Variants in NUBPL observed in about 807,000 individuals in gnomAD.
NUBPL encodes the protein iron-sulfur cluster transfer protein NUBPL.
A neutral mutation model predicts 45.7 loss-of-function variants in NUBPL; 31 were observed. The ratio of observed to expected loss-of-function variants is 0.68; its 90% CI spans 0.51 to 0.92. NUBPL has a LOEUF of 0.92. Ranked by LOEUF, NUBPL falls within the 40% of genes least tolerant of loss-of-function variation. The pLI, the probability that NUBPL is intolerant of heterozygous loss-of-function variation, is 0.00. For synonymous variants in NUBPL, 144 were observed against 140.9 expected (o/e 1.02, Z -0.15); for missense variants, 401 against 398.7 (o/e 1.01, Z -0.05).
intron 10 of NUBPL, among the ~76,000 whole-genome samples, chr14:31,853,473 C>T (rs113200625): frequency 2.8e-4 from 43 of 152,286 alleles, no homozygotes; most frequent in African/African-American, 1.0e-3. Context: ...TCTCCATTTT[C>T]TATCACTCCA....
chr14:31,639,254 A>G (rs1299375405), intron 4 of NUBPL, among the ~76,000 whole-genome samples: 2 of 151,830 alleles, frequency 1.3e-5, no homozygotes, highest in East Asian at 1.9e-4. Context: ...TGATGTACAG[A>G]TGGGTTTTTG....
At chr14:31,628,838 G>T (rs7150851) in intron 4 of NUBPL, among the ~76,000 whole-genome samples, 1 of 152,030 alleles carries the variant, frequency 6.6e-6, no homozygotes, top group African/African-American at 2.4e-5. Flanking sequence ...GTGATAAATT[G>T]AATAATTTTT....
At chr14:31,596,417 A>G (rs1417386349) in intron 3 of NUBPL, among the ~76,000 whole-genome samples, 2 of 152,224 alleles carry the variant, frequency 1.3e-5, no homozygotes, top group Non-Finnish European at 2.9e-5. Flanking sequence ...ATGACTGAAT[A>G]GCTTCATCAT....
chr14:31,631,387 A>G (rs922645160), intron 4 of NUBPL, among the ~76,000 whole-genome samples: 5 of 151,960 alleles, frequency 3.3e-5, no homozygotes, highest in Non-Finnish European at 5.9e-5. Context: ...CATCATCTGT[A>G]TAATCACGTT....
intron 6 of NUBPL, among the ~76,000 whole-genome samples, chr14:31,762,559 G>T (rs1168605635): frequency 6.6e-6 from 1 of 152,144 alleles, no homozygotes; most frequent in Non-Finnish European, 1.5e-5. Context: ...GAATGACTAT[G>T]TTAGATGACA....
intron 4 of NUBPL, among the ~76,000 whole-genome samples, chr14:31,619,765 G>A (rs2035009735): frequency 6.6e-6 from 1 of 152,056 alleles, no homozygotes; most frequent in Non-Finnish European, 1.5e-5. Context: ...ATGTGCCTTA[G>A]GGTTGCTCTT....
At chr14:31,705,563 GAC>G (rs1313286460) in intron 6 of NUBPL, among the ~76,000 whole-genome samples, 1 of 152,110 alleles carries the variant, frequency 6.6e-6, no homozygotes, top group Non-Finnish European at 1.5e-5. Flanking sequence ...CCTTTAGCAA[GAC>G]ACAAAAGTTC....
intron 6 of NUBPL, among the ~76,000 whole-genome samples, chr14:31,752,089 G>C (rs866843154): frequency 5.9e-5 from 9 of 152,198 alleles, no homozygotes; most frequent in African/African-American, 2.2e-4. Flanking sequence ...CCTGTGCTGG[G>C]AGGGGCTGTC....
chr14:31,623,927 G>A (rs1313223751), intron 4 of NUBPL, among the ~76,000 whole-genome samples: 1 of 152,194 alleles, frequency 6.6e-6, no homozygotes. Context: ...TGTTTGAAGA[G>A]TTGAAGTGTG....
At chr14:31,711,584 A>G (rs529313838) in intron 6 of NUBPL, among the ~76,000 whole-genome samples, 1 of 152,202 alleles carries the variant, frequency 6.6e-6, no homozygotes, top group South Asian at 2.1e-4. Context: ...GCAGACTTCA[A>G]GAATGAAGCC....
chr14:31,708,560 C>T lies in NUBPL; in HGVS notation c.513+34986C>T, dbSNP rs542853842. On this transcript the variant is annotated intron_variant, in intron 6 of 10. Transcript: ENST00000281081. ...GTGAAAAGAGAAAGTCTCCCAATTACGACTGAGGAGTTGGGAGAAATACCT... is the reference window on the plus strand; with the variant it reads ...GTGAAAAGAGAAAGTCTCCCAATTATGACTGAGGAGTTGGGAGAAATACCT... 1.5e-3 allele frequency among the ~76,000 whole-genome samples: 228 copies of T among 152,324 alleles called. 1 individual carries two copies. Among genetic ancestry groups the T allele is most frequent in the African/African-American group, 5.0e-3 (206 of 41,584 alleles).
intron 4 of NUBPL, 119 bp downstream of exon 4, chr14:31,599,498 A>C (rs1293694293): frequency 2.9e-6 from 2 of 698,218 alleles, no homozygotes; most frequent in Non-Finnish European, 4.9e-6. Flanking sequence ...GTAAGTCCTC[A>C]CTTAAGTTAG....
At chr14:31,684,765 A>G (rs1423960803) in intron 6 of NUBPL, among the ~76,000 whole-genome samples, 1 of 152,148 alleles carries the variant, frequency 6.6e-6, no homozygotes, top group Non-Finnish European at 1.5e-5. Context: ...GATGCATCTT[A>G]TAATTAGTGG....
intron 6 of NUBPL, among the ~76,000 whole-genome samples, chr14:31,688,654 TGTTG>T (rs796158343): frequency 5.9e-5 from 6 of 101,620 alleles, no homozygotes; most frequent in African/African-American, 1.8e-4. Flanking sequence ...AGGTTTTTGT[TGTTG>T]TTTTTTTTTT....
intron 4 of NUBPL, chr14:31,667,946 C>CTGGTGG (rs2036475388): frequency 6.5e-6 from 1 of 154,884 alleles, no homozygotes; most frequent in Admixed American, 6.5e-5. Flanking sequence ...AGAGGGGCAC[C>CTGGTGG]CACCAGATGC....
chr14:31,741,757 T>C (rs565739229), intron 6 of NUBPL, among the ~76,000 whole-genome samples: 38 of 152,134 alleles, frequency 2.5e-4, no homozygotes, highest in Non-Finnish European at 5.1e-4. Context: ...TGCTTGTAGG[T>C]TTCTACATGG....
chr14:31,757,721 C>A (rs2038702024), intron 6 of NUBPL, among the ~76,000 whole-genome samples: 2 of 151,900 alleles, frequency 1.3e-5, no homozygotes, highest in African/African-American at 4.8e-5. Flanking sequence ...ATTCTTTTTG[C>A]TTTTTCTTCT....
intron 6 of NUBPL, among the ~76,000 whole-genome samples, chr14:31,786,015 A>G (rs2039277556): frequency 6.6e-6 from 1 of 152,032 alleles, no homozygotes; most frequent in Non-Finnish European, 1.5e-5. Flanking sequence ...AAAATTGACC[A>G]GGCATGGTGG....
rs181300214 is a variant in NUBPL at position 31,819,006 on chromosome 14, T to C, written c.608-7623T>C. ...AATAGTGACTCATCCAAGAATTATT[T>C]ATATTTCCTGTTGGTCTGTGAGTAC... is the stretch of plus-strand genomic sequence containing the variant. On this transcript the variant is annotated intron_variant, in intron 7 of 10. Transcript: ENST00000281081. Among the ~76,000 whole-genome samples the C allele has an allele frequency of 7.9e-4, 121 of 152,368 alleles. No individual in the cohort carries two copies. The Middle Eastern group carries it at 0.014, about 17-fold the overall frequency.
Sources: allele counts gnomAD v4.1 joint callset (sites outside exome capture counted in the v4.1 genomes callset), GRCh38; gene constraint gnomAD v4.1.1; transcripts MANE v1.5; gene names NCBI Gene and HGNC (gene_info 2026-07-23, HGNC 2026-07-21).